Variants in ULK4 observed in about 807,000 individuals in gnomAD.
ULK4 encodes the protein unc-51 like kinase 4, also known as inactive serine/threonine-protein kinase ULK4.
ULK4 carries 133 observed loss-of-function variants against 160.6 expected under a neutral mutation model. That is an observed-to-expected ratio of 0.83 (90% confidence interval 0.72 to 0.96). The LOEUF (loss-of-function observed/expected upper bound fraction) is 0.96. Ranked by LOEUF, ULK4 falls within the 40% of genes least tolerant of loss-of-function variation. The pLI, the probability that ULK4 is intolerant of heterozygous loss-of-function variation, is 0.00. For missense variants in ULK4, 1,580 were observed against 1,499.5 expected, an observed-to-expected ratio of 1.05 and a Z score of -0.89; for synonymous variants, 534 against 539.8, an observed-to-expected ratio of 0.99 and a Z score of 0.15.
At chr3:41,721,255 A>ATTTTTTTTTTTTTTTTTTT in intron 22 of ULK4, among the ~76,000 whole-genome samples, 1 of 45,052 alleles carries the variant, frequency 2.2e-5, no homozygotes, top group Non-Finnish European at 3.5e-5. Context: ...TTCGCTTTGA[A>ATTTTTTTTTTTTTTTTTTT]TTTTTTTTTT....
rs1047360485 is a variant in ULK4 at position 41,377,205 on chromosome 3, C to T, written c.3678+20874G>A. On this transcript the variant is annotated intron_variant, in intron 35 of 36. Coordinates refer to ENST00000301831, the MANE Select transcript of ULK4 (RefSeq NM_017886.4). ...GCTGAAACTGGATCCCTTCCTTACA[C>T]CTTAGACAAAAATCAATTCAAGATG... Among the ~76,000 whole-genome samples the T allele has an allele frequency of 3.9e-4, 60 of 152,152 alleles. 1 individual carries two copies. Among genetic ancestry groups the T allele is most frequent in the Non-Finnish European group, 2.9e-5 (2 of 68,036 alleles).
chr3:41,897,281 A>AT (rs1444953234), intron 14 of ULK4, among the ~76,000 whole-genome samples: 6 of 152,220 alleles, frequency 3.9e-5, no homozygotes, highest in African/African-American at 1.2e-4. Context: ...AACCTACACT[A>AT]TAACAAAATG....
At position 41,645,342 on chromosome 3, in the gene ULK4, T is replaced by G. The variant is rs2034434263; in HGVS notation, c.3071+18265A>C. On this transcript the variant is annotated intron_variant, in intron 30 of 36. Coordinates refer to ENST00000301831, the MANE Select transcript of ULK4 (RefSeq NM_017886.4). ...CTTGTGGGCATTTATTACTATAAAT[T>G]TCCCTCTACACACTGCTTTGAATGT... 1.3e-5 allele frequency among the ~76,000 whole-genome samples: 2 copies of G among 152,092 alleles called. 1 individual carries two copies. Among genetic ancestry groups the G allele is most frequent in the African/African-American group, 4.8e-5 (2 of 41,358 alleles).
At chr3:41,412,960 G>A (rs560771854) in intron 34 of ULK4, among the ~76,000 whole-genome samples, 90 of 152,262 alleles carry the variant, frequency 5.9e-4, no homozygotes, top group African/African-American at 2.2e-3. Flanking sequence ...AGGATAAAAG[G>A]CCTTGTAGTA....
chr3:41,620,192 G>C (rs1439171700), intron 30 of ULK4, among the ~76,000 whole-genome samples: 4 of 152,150 alleles, frequency 2.6e-5, no homozygotes, highest in Admixed American at 2.6e-4. Flanking sequence ...GTACAAAGAG[G>C]AGCTGGTACC....
At position 41,598,734 on chromosome 3, in the gene ULK4, G is replaced by A. The variant is rs557728622; in HGVS notation, c.3120+16935C>T. On this transcript the variant is annotated intron_variant, in intron 31 of 36. Coordinates refer to ENST00000301831, the MANE Select transcript of ULK4 (RefSeq NM_017886.4). ...AGTCGCTGCTTCTACAAAGACTGCT[G>A]TATATTGTTTTTCATGATTACTTAC... Among the ~76,000 whole-genome samples the A allele has an allele frequency of 9.3e-4, 142 of 151,874 alleles. 9 individuals carry two copies. The South Asian group carries it at 0.028, about 30-fold the overall frequency.
intron 31 of ULK4, among the ~76,000 whole-genome samples, chr3:41,584,179 G>C (rs894938654): frequency 2.6e-5 from 4 of 152,092 alleles, no homozygotes; most frequent in Non-Finnish European, 4.4e-5. Flanking sequence ...GACCAGACAT[G>C]AATCAATCCC....
intron 34 of ULK4, among the ~76,000 whole-genome samples, chr3:41,440,645 T>G (rs189196995): frequency 9.2e-5 from 14 of 152,276 alleles, no homozygotes; most frequent in Admixed American, 2.6e-4. Context: ...GTTTCTGGTA[T>G]CAGGGTAATG....
intron 20 of ULK4, among the ~76,000 whole-genome samples, chr3:41,795,091 T>C (rs2040264919): frequency 6.6e-6 from 1 of 152,110 alleles, no homozygotes; most frequent in African/African-American, 2.4e-5. Flanking sequence ...GAGAGGTAAA[T>C]AGCGAAAAAG....
chr3:41,784,719 C>A (rs73071341), intron 21 of ULK4, among the ~76,000 whole-genome samples: 3 of 152,166 alleles, frequency 2.0e-5, no homozygotes, highest in African/African-American at 7.2e-5. Context: ...TCTAAGGACA[C>A]TGACACCCAA....
chr3:41,765,156 C>A (rs895136758), intron 21 of ULK4, among the ~76,000 whole-genome samples: 33 of 152,194 alleles, frequency 2.2e-4, no homozygotes, highest in African/African-American at 6.5e-4. Flanking sequence ...TTGGAACCAA[C>A]CCAAATGTCC....
intron 2 of ULK4, among the ~76,000 whole-genome samples, chr3:41,951,768 A>T (rs1157539986): frequency 6.6e-6 from 1 of 152,226 alleles, no homozygotes; most frequent in Non-Finnish European, 1.5e-5. Context: ...CGATTAGGTC[A>T]TCAGGGCTCT....
intron 32 of ULK4, among the ~76,000 whole-genome samples, chr3:41,492,123 C>G (rs1032956763): frequency 2.7e-5 from 4 of 150,446 alleles, no homozygotes; most frequent in Non-Finnish European, 4.4e-5. Context: ...TCTTAATCCA[C>G]TCTATCATTG....
At chr3:41,334,401 C>T (rs949615551) in intron 35 of ULK4, among the ~76,000 whole-genome samples, 14 of 152,188 alleles carry the variant, frequency 9.2e-5, no homozygotes, top group Admixed American at 3.9e-4. Flanking sequence ...ATGTCCCACC[C>T]GACATCCTAG....
chr3:41,811,005 T>A (rs572066739), intron 19 of ULK4, among the ~76,000 whole-genome samples: 1 of 150,850 alleles, frequency 6.6e-6, no homozygotes, highest in Admixed American at 6.6e-5. Flanking sequence ...TGCCTCAACT[T>A]CCAGAGTAGC....
In ULK4 at chr3:41,499,502, T is replaced by C. The variant is rs183783578; in HGVS notation, c.3227-36249A>G. Among the ~76,000 whole-genome samples the C allele has an allele frequency of 5.5e-3, 836 of 152,304 alleles. 12 individuals carry two copies. The highest frequency in any genetic ancestry group is 0.019 in the African/African-American group (805 of 41,560). ...CAGAACACCTTGGGCAAATTTTTAT[T>C]GATCGGCACAAAATACGTGGTGGGC... On this transcript the variant is annotated intron_variant, in intron 32 of 36. Transcript: ENST00000301831.
At chr3:41,942,102 G>A (rs112362188) in intron 2 of ULK4, among the ~76,000 whole-genome samples, 3 of 152,144 alleles carry the variant, frequency 2.0e-5, no homozygotes, top group East Asian at 1.9e-4. Flanking sequence ...ATGTGGGAGC[G>A]ATGTGCCACA....
intron 21 of ULK4, among the ~76,000 whole-genome samples, chr3:41,773,255 C>A (rs2039470259): frequency 1.3e-5 from 2 of 152,148 alleles, no homozygotes; most frequent in South Asian, 4.1e-4. Context: ...AAAGGGCATT[C>A]AATTAGGAAA....
chr3:41,803,426 C>T (rs1352107635), intron 19 of ULK4, among the ~76,000 whole-genome samples: 1 of 152,090 alleles, frequency 6.6e-6, no homozygotes, highest in African/African-American at 2.4e-5. Flanking sequence ...AAGTTAGATC[C>T]ATAAAGCTTC....
Sources: allele counts gnomAD v4.1 joint callset (sites outside exome capture counted in the v4.1 genomes callset), GRCh38; gene constraint gnomAD v4.1.1; transcripts MANE v1.5; gene names NCBI Gene and HGNC (gene_info 2026-07-23, HGNC 2026-07-21).